Variants in NRG1 observed in about 807,000 individuals in gnomAD.
NRG1 encodes the protein pro-neuregulin-1, membrane-bound isoform.
NRG1 carries 18 observed loss-of-function variants against 63.8 expected under a neutral mutation model. The observed-to-expected ratio is 0.28, with a 90% CI of 0.19 to 0.42. NRG1 has a LOEUF of 0.42. Among genes scored for constraint, NRG1 ranks in the 10% least tolerant of loss-of-function variants. The probability of loss-of-function intolerance (pLI) is 1.00; values close to 1 mark genes in which losing one functional copy is unlikely to be tolerated. For synonymous variants in NRG1, 302 were observed against 301.3 expected, an observed-to-expected ratio of 1.00 and a Z score of -0.02; for missense variants, 762 against 814.7, an observed-to-expected ratio of 0.94 and a Z score of 0.79.
chr8:32,114,557 T>G (rs1285690765), intron 1 of NRG1, among the ~76,000 whole-genome samples: 1 of 151,982 alleles, frequency 6.6e-6, no homozygotes, highest in Non-Finnish European at 1.5e-5. Flanking sequence ...CCAGCTGTAA[T>G]GGGTGCTAGT....
intron 1 of NRG1, among the ~76,000 whole-genome samples, chr8:32,072,287 A>G (rs1409446178): frequency 6.6e-6 from 1 of 151,540 alleles, no homozygotes; most frequent in Non-Finnish European, 1.5e-5. Flanking sequence ...GTGATTGAAA[A>G]AAAAAAAAAA....
rs1488465025 is a variant in NRG1, at chr8:31,643,870, A to C, written c.37+4439A>C. Among the ~76,000 whole-genome samples, 3 of 152,360 alleles carry C rather than the reference A, an allele frequency of 2.0e-5. No homozygotes were observed. The East Asian group carries it at 5.8e-4, about 29-fold the overall frequency. On this transcript the variant is annotated intron_variant, in intron 1 of 10. Transcript: ENST00000519301. ...AGGAGTACAAACACTGAGGTTGAATAACATCTACAATTGGGCTATGCCAGA... is the reference window on the plus strand; with the variant it reads ...AGGAGTACAAACACTGAGGTTGAATCACATCTACAATTGGGCTATGCCAGA...
intron 1 of NRG1, among the ~76,000 whole-genome samples, chr8:32,153,995 A>C (rs1311573121): frequency 6.6e-6 from 1 of 152,200 alleles, no homozygotes; most frequent in Non-Finnish European, 1.5e-5. Flanking sequence ...AGTCCTACTG[A>C]ACATTGGCTT....
intron 1 of NRG1, among the ~76,000 whole-genome samples, chr8:31,770,107 G>T (rs181292297): frequency 6.6e-6 from 1 of 152,200 alleles, no homozygotes; most frequent in Admixed American, 6.5e-5. Flanking sequence ...GTGAACACAG[G>T]GCAGCTATTG....
chr8:32,047,835 C>A (rs188825662), intron 1 of NRG1, among the ~76,000 whole-genome samples: 1 of 151,650 alleles, frequency 6.6e-6, no homozygotes, highest in Non-Finnish European at 1.5e-5. Context: ...ATGATAGTCA[C>A]CATGGTACAA....
At chr8:32,639,808 G>T (rs1240461839) in intron 5 of NRG1, among the ~76,000 whole-genome samples, 1 of 152,192 alleles carries the variant, frequency 6.6e-6, no homozygotes, top group African/African-American at 2.4e-5. Flanking sequence ...TAGTGCTTAA[G>T]TATAAGTCAA....
At chr8:32,366,357 C>A (rs1018080652) in intron 1 of NRG1, among the ~76,000 whole-genome samples, 3 of 151,986 alleles carry the variant, frequency 2.0e-5, no homozygotes, top group Admixed American at 6.6e-5. Flanking sequence ...CCCACCTCCA[C>A]CCATCTCAGC....
intron 1 of NRG1, among the ~76,000 whole-genome samples, chr8:31,967,693 G>GA (rs1445921264): frequency 3.9e-5 from 6 of 152,296 alleles, no homozygotes; most frequent in African/African-American, 1.4e-4. Context: ...GTGACAGCAA[G>GA]AAGGCAGCAG....
intron 1 of NRG1, among the ~76,000 whole-genome samples, chr8:32,171,860 G>A (rs966925429): frequency 6.6e-6 from 1 of 152,164 alleles, no homozygotes; most frequent in Non-Finnish European, 1.5e-5. Context: ...AGCTCGAACT[G>A]GGTGGAGCCA....
At chr8:32,127,702 G>A (rs1388985555) in intron 1 of NRG1, among the ~76,000 whole-genome samples, 14 of 151,738 alleles carry the variant, frequency 9.2e-5, no homozygotes, top group African/African-American at 3.4e-4. Flanking sequence ...ATTCTGATTA[G>A]GTTGAAATCA....
chr8:32,240,262 G>A (rs1345574461), intron 1 of NRG1, among the ~76,000 whole-genome samples: 1 of 152,146 alleles, frequency 6.6e-6, no homozygotes, highest in Non-Finnish European at 1.5e-5. Flanking sequence ...AACCATGGAT[G>A]AATTTCAAGG....
intron 1 of NRG1, among the ~76,000 whole-genome samples, chr8:31,690,086 T>C (rs906480366): frequency 5.3e-4 from 81 of 152,270 alleles, no homozygotes; most frequent in African/African-American, 1.8e-3. Flanking sequence ...AGTGAGTTCT[T>C]GAGATCTGAT....
At chr8:31,928,352 T>TA (rs77001238) in intron 1 of NRG1, among the ~76,000 whole-genome samples, 11,414 of 79,962 alleles carry the variant, frequency 0.14, 1,079 homozygotes, top group East Asian at 0.53. Flanking sequence ...ATGGATGTGG[T>TA]AAAAAAAAAA....
intron 1 of NRG1, among the ~76,000 whole-genome samples, chr8:31,654,957 A>G (rs796526741): frequency 9.9e-5 from 15 of 152,222 alleles, no homozygotes; most frequent in African/African-American, 3.4e-4. Flanking sequence ...AAAAAATAAA[A>G]AAGAATTCCC....
intron 1 of NRG1, among the ~76,000 whole-genome samples, chr8:32,415,785 A>G (rs138507207): frequency 6.2e-4 from 94 of 152,044 alleles, no homozygotes; most frequent in African/African-American, 2.2e-3. Context: ...CATTCCCTAC[A>G]TCACAACCTG....
intron 1 of NRG1, among the ~76,000 whole-genome samples, chr8:32,499,402 G>C (rs1376428569): frequency 1.3e-5 from 2 of 152,192 alleles, no homozygotes; most frequent in Non-Finnish European, 2.9e-5. Flanking sequence ...TGGATTCAAG[G>C]CTGGGTGCGG....
At chr8:31,916,937 G>T (rs1833442855) in intron 1 of NRG1, among the ~76,000 whole-genome samples, 1 of 151,890 alleles carries the variant, frequency 6.6e-6, no homozygotes, top group African/African-American at 2.4e-5. Flanking sequence ...GTTTTGATTT[G>T]CATTTCTCTG....
intron 1 of NRG1, among the ~76,000 whole-genome samples, chr8:32,265,183 A>T (rs896306658): frequency 6.6e-6 from 1 of 152,084 alleles, no homozygotes; most frequent in Non-Finnish European, 1.5e-5. Flanking sequence ...AAAAAATTTT[A>T]AATTATCTAA....
intron 1 of NRG1, among the ~76,000 whole-genome samples, chr8:32,106,744 TC>T (rs941608515): frequency 6.6e-6 from 1 of 152,084 alleles, no homozygotes; most frequent in Non-Finnish European, 1.5e-5. Flanking sequence ...CATAATTTAC[TC>T]CCTTTTTAAA....
Sources: allele counts gnomAD v4.1 joint callset (sites outside exome capture counted in the v4.1 genomes callset), GRCh38; gene constraint gnomAD v4.1.1; transcripts MANE v1.5; gene names NCBI Gene and HGNC (gene_info 2026-07-23, HGNC 2026-07-21).